The following ADD3 variants were observed in gnomAD, a reference collection of about 807,000 sequenced individuals.
ADD3 encodes the protein adducin 3.
In ADD3, 25 loss-of-function variants were observed where a neutral mutation model predicts 80.2. The ratio of observed to expected loss-of-function variants is 0.31; its 90% confidence interval spans 0.23 to 0.44. ADD3 has a LOEUF of 0.44. Ranked by LOEUF, ADD3 falls within the 20% of genes least tolerant of loss-of-function variation. The pLI, the probability that ADD3 is intolerant of heterozygous loss-of-function variation, is 1.00. For missense variants in ADD3, 829 were observed against 847.5 expected, an observed-to-expected ratio of 0.98 and a Z score of 0.27; for synonymous variants, 284 against 289.6, an observed-to-expected ratio of 0.98 and a Z score of 0.20.
intron 1 of ADD3, among the ~76,000 whole-genome samples, chr10:110,061,735 A>G (rs767786290): frequency 6.6e-5 from 10 of 152,202 alleles, no homozygotes; most frequent in Non-Finnish European, 1.3e-4. Flanking sequence ...TACATTCTAC[A>G]CTAGACCCAT....
In ADD3 at chr10:110,133,815, G is replaced by C. The variant is rs552835680; in HGVS notation, c.*197G>C. 2.3e-6 allele frequency: 1 copy of C among 432,972 alleles called. No homozygotes were observed. Among genetic ancestry groups the C allele is most frequent in the African/African-American group, 2.0e-5 (1 of 48,976 alleles). The allele number at this position is 432,972 out of a possible 1,614,324, so 26.8% of individuals were successfully genotyped here. On this transcript the variant is annotated 3_prime_UTR_variant, in exon 15 of 15. Coordinates refer to ENST00000356080, the MANE Select transcript of ADD3 (RefSeq NM_016824.5). ...ATTTTATATGTCCAGAAATGGCTTT[G>C]AATTTTAAGCAATTACTAGTTTTAA...
intron 1 of ADD3, among the ~76,000 whole-genome samples, chr10:110,028,966 G>T (rs953938190): frequency 6.7e-6 from 1 of 149,220 alleles, no homozygotes; most frequent in Admixed American, 6.8e-5. Flanking sequence ...CGCAACCTCC[G>T]CCTCCCGGGT....
chr10:110,088,717 G>T (rs917955764), intron 1 of ADD3, among the ~76,000 whole-genome samples: 10 of 152,168 alleles, frequency 6.6e-5, no homozygotes, highest in African/African-American at 2.4e-4. Context: ...AGATCAAAAT[G>T]AACTCTTGGT....
chr10:110,052,888 T>C (rs965382296), intron 1 of ADD3, among the ~76,000 whole-genome samples: 1 of 152,118 alleles, frequency 6.6e-6, no homozygotes, highest in Non-Finnish European at 1.5e-5. Flanking sequence ...TAAGAAACAT[T>C]GTTCAAATGG....
chr10:110,023,933 A>G (rs983867470), intron 1 of ADD3, among the ~76,000 whole-genome samples: 3 of 152,196 alleles, frequency 2.0e-5, no homozygotes, highest in Non-Finnish European at 4.4e-5. Flanking sequence ...ACCAAATACC[A>G]CATGTTCTCA....
chr10:110,048,532 T>C lies in ADD3; in HGVS notation c.-30+40233T>C, dbSNP rs189693567. The stretch of plus-strand genomic sequence containing the variant: ...GCTGACAATCATATGGACAATGAAA[T>C]TTAGGCTGAGGTGGTCTTAGATGGA... On this transcript the variant is annotated intron_variant, in intron 1 of 14. Transcript: ENST00000356080. Among the ~76,000 whole-genome samples, 684 of 152,194 alleles carry C rather than the reference T, an allele frequency of 4.5e-3. 3 individuals are homozygous for C. Among genetic ancestry groups the C allele is most frequent in the Non-Finnish European group, 5.8e-3 (396 of 67,988 alleles).
chr10:110,122,112 G>A lies in ADD3; in HGVS notation c.963G>A (p.Val321=). ...FNVQLACEIQ[V]QALAGAGGVD... is the part of the protein sequence containing the mutation. ...GTATATTTTACCATTGATTACAGGTGCAGGCCCTAGCAGGTGCAGGTGGAG... is the reference window on the plus strand; with the variant it reads ...GTATATTTTACCATTGATTACAGGTACAGGCCCTAGCAGGTGCAGGTGGAG... Residue 321 remains valine (V), a splice_region_variant and synonymous_variant, in exon 9 of 15, where the codon GTG becomes GTA. Transcript: ENST00000356080. 1 of 1,611,508 alleles carries A rather than the reference G, an allele frequency of 6.2e-7. No individual in the cohort carries two copies. Among genetic ancestry groups the A allele is most frequent in the Non-Finnish European group, 8.5e-7 (1 of 1,178,514 alleles).
chr10:110,015,288 C>T (rs535320730), intron 1 of ADD3, among the ~76,000 whole-genome samples: 2 of 152,000 alleles, frequency 1.3e-5, no homozygotes, highest in South Asian at 2.1e-4. Flanking sequence ...TTAAAGTACA[C>T]ATTATCAATG....
chr10:110,077,767 T>A (rs1339892983), intron 1 of ADD3, among the ~76,000 whole-genome samples: 1 of 94,246 alleles, frequency 1.1e-5, no homozygotes, highest in Non-Finnish European at 1.8e-5. Context: ...TGTTCAGCAA[T>A]TTTTTTTTTC....
chr10:110,082,028 G>C (rs769791459), intron 1 of ADD3, among the ~76,000 whole-genome samples: 2 of 152,216 alleles, frequency 1.3e-5, no homozygotes, highest in Non-Finnish European at 2.9e-5. Context: ...CTGTTACGCA[G>C]TCCCAGAAGG....
At chr10:110,060,201 G>A (rs1858713875) in intron 1 of ADD3, among the ~76,000 whole-genome samples, 1 of 152,184 alleles carries the variant, frequency 6.6e-6, no homozygotes, top group Admixed American at 6.5e-5. Context: ...TGTACTTTGT[G>A]TGAAAATGTA....
At chr10:110,107,222 T>C (rs549136825) in intron 2 of ADD3, among the ~76,000 whole-genome samples, 94 of 152,214 alleles carry the variant, frequency 6.2e-4, no homozygotes, top group Admixed American at 3.7e-3. Context: ...AAGTATAGTA[T>C]AGGGAAAGTT....
intron 1 of ADD3, among the ~76,000 whole-genome samples, chr10:110,008,720 A>G (rs943367420): frequency 6.6e-6 from 1 of 152,206 alleles, no homozygotes; most frequent in African/African-American, 2.4e-5. Context: ...TCCTGCGCTT[A>G]GAAAAGGTGG....
chr10:110,130,703 A>G (rs1252296830), intron 13 of ADD3, among the ~76,000 whole-genome samples: 1 of 152,126 alleles, frequency 6.6e-6, no homozygotes, highest in Non-Finnish European at 1.5e-5. Flanking sequence ...TAAAAATTAA[A>G]AAATTAGCCG....
At position 110,008,098 on chromosome 10, in the gene ADD3, C is replaced by A. The variant is rs1851834737; in HGVS notation, c.-231C>A. ...AGCAAGCGCCAGAGGCGTCGGCATC[C>A]CAGGTGTCGCCGCTTCCTGCTGCAC... On this transcript the variant is annotated 5_prime_UTR_variant, in exon 1 of 15. Transcript: ENST00000356080. 6.6e-6 allele frequency: 1 copy of A among 152,304 alleles called. No individual in the cohort carries two copies. Among genetic ancestry groups the A allele is most frequent in the South Asian group, 2.1e-4 (1 of 4,832 alleles). The allele number at this position is 152,304 out of a possible 1,614,324, so 9.4% of individuals were successfully genotyped here. A position where few individuals can be genotyped will look rare whatever the true frequency, so the allele number is the denominator to read the frequency against.
intron 1 of ADD3, among the ~76,000 whole-genome samples, chr10:110,037,284 T>C (rs1159865327): frequency 6.6e-6 from 1 of 152,222 alleles, no homozygotes; most frequent in Non-Finnish European, 1.5e-5. Flanking sequence ...CACAGTCACG[T>C]AGTGACTAGC....
At chr10:110,029,566 A>C (rs1313302354) in intron 1 of ADD3, among the ~76,000 whole-genome samples, 1 of 152,240 alleles carries the variant, frequency 6.6e-6, no homozygotes, top group South Asian at 2.1e-4. Context: ...AAGCATGGAG[A>C]GTTCTGAATA....
At chr10:110,103,266 T>TA in intron 2 of ADD3, among the ~76,000 whole-genome samples, 1 of 152,364 alleles carries the variant, frequency 6.6e-6, no homozygotes, top group Non-Finnish European at 1.5e-5. Flanking sequence ...TTCCAGAACT[T>TA]AGCAGCTTAA....
At chr10:110,129,902 A>G (rs527924596) in intron 12 of ADD3, among the ~76,000 whole-genome samples, 7 of 152,290 alleles carry the variant, frequency 4.6e-5, no homozygotes, top group Middle Eastern at 3.4e-3. Context: ...TCCATATGCC[A>G]ACTGCAACTG....
Sources: gnomAD v4.1 joint callset for allele counts (sites outside exome capture counted in the v4.1 genomes callset) on GRCh38, gnomAD v4.1.1 for gene constraint, MANE v1.5 for transcripts, NCBI Gene and HGNC (gene_info 2026-07-23, HGNC 2026-07-21) for gene names.